The following REC114 variants were observed in gnomAD, a reference collection of about 807,000 sequenced individuals.
The protein encoded by REC114 is REC114 meiotic recombination protein, also known as meiotic recombination protein REC114.
REC114 carries 27 observed loss-of-function variants against 31.3 expected under a neutral mutation model. The ratio of observed to expected loss-of-function variants is 0.86; its 90% CI spans 0.64 to 1.19. The LOEUF is 1.19. REC114 is among the 50% of genes most tolerant of loss of function. The pLI, the probability that REC114 is intolerant of heterozygous loss-of-function variation, is 0.00. For missense variants in REC114, 344 were observed against 326.9 expected (o/e 1.05, Z -0.40); for synonymous variants, 134 against 127.7 (o/e 1.05, Z -0.33).
chr15:73,556,187 C>T, intron 4 of REC114, 115 bp from the exon 5 acceptor site: 2 of 853,480 alleles, frequency 2.3e-6, no homozygotes, highest in East Asian at 2.7e-5. Context: ...ATTTTTATCA[C>T]TCTTAGTGGT....
At position 73,443,311 on chromosome 15, in the gene REC114, G is replaced by A. The variant is rs1452276400; in HGVS notation, c.126G>A (p.Leu42=). ...CCAGAGACCCACCTGGGCCATGCCT[G>A]GAAGCTGGGACAGCCCCCTGCCCCA... ...SNTRDPPGPC[L]EAGTAPCPTW... The change falls in exon 1 of 6, where the codon CTG becomes CTA. Residue 42 remains leucine (L), a synonymous_variant. Transcript: ENST00000331090. The A allele has an allele frequency of 3.8e-6, 6 of 1,582,492 alleles. No homozygotes were observed. The highest frequency in any genetic ancestry group is 2.7e-5 in the African/African-American group (2 of 74,278).
chr15:73,457,504 T>A (rs1395711503), intron 1 of REC114, among the ~76,000 whole-genome samples: 1 of 152,166 alleles, frequency 6.6e-6, no homozygotes, highest in Non-Finnish European at 1.5e-5. Context: ...TCAACTCAAT[T>A]ATCACCAGGC....
chr15:73,500,381 A>G (rs1332810376), intron 2 of REC114, among the ~76,000 whole-genome samples: 1 of 151,428 alleles, frequency 6.6e-6, no homozygotes, highest in Admixed American at 6.6e-5. Context: ...TGTTTCCCCA[A>G]AGAAACCAGA....
At chr15:73,498,976 CT>C (rs1893566582) in intron 2 of REC114, among the ~76,000 whole-genome samples, 1 of 152,026 alleles carries the variant, frequency 6.6e-6, no homozygotes, top group Non-Finnish European at 1.5e-5. Flanking sequence ...TTTAGCTTAG[CT>C]TTTGGTCATA....
chr15:73,444,862 C>T (rs555652294), intron 1 of REC114, among the ~76,000 whole-genome samples: 1 of 152,324 alleles, frequency 6.6e-6, no homozygotes, highest in African/African-American at 2.4e-5. Context: ...ACTCCTTGAT[C>T]ATGGGCTGCA....
At chr15:73,468,385 C>T (rs910673483) in intron 1 of REC114, among the ~76,000 whole-genome samples, 3 of 152,034 alleles carry the variant, frequency 2.0e-5, no homozygotes, top group African/African-American at 7.2e-5. Context: ...TCTAGTTCTT[C>T]ATTAGTGTAT....
intron 3 of REC114, among the ~76,000 whole-genome samples, chr15:73,543,415 C>G (rs1352798305): frequency 6.6e-6 from 1 of 152,094 alleles, no homozygotes; most frequent in Non-Finnish European, 1.5e-5. Context: ...TCACTGCAAC[C>G]TCCTCCCGTG....
chr15:73,473,950 G>A, intron 2 of REC114, 29 bp downstream of exon 2: 1 of 1,340,770 alleles, frequency 7.5e-7, no homozygotes, highest in Non-Finnish European at 1.0e-6. Flanking sequence ...AGTTTAATAT[G>A]GAAATACATC....
intron 2 of REC114, among the ~76,000 whole-genome samples, chr15:73,516,132 C>T (rs900403104): frequency 1.3e-5 from 2 of 151,910 alleles, no homozygotes; most frequent in Non-Finnish European, 2.9e-5. Context: ...ATTACAAGCA[C>T]CTGCCACCAG....
At chr15:73,536,476 C>T (rs116816096) in intron 2 of REC114, among the ~76,000 whole-genome samples, 1,576 of 152,180 alleles carry the variant, frequency 0.01, 26 homozygotes, top group African/African-American at 0.036. Flanking sequence ...TGATGTTAAC[C>T]GCATGTTTAA....
intron 2 of REC114, among the ~76,000 whole-genome samples, chr15:73,503,705 A>G (rs1893634055): frequency 6.6e-6 from 1 of 152,102 alleles, no homozygotes; most frequent in African/African-American, 2.4e-5. Context: ...GAGTTTTAGC[A>G]TCTTTTCTTA....
intron 2 of REC114, among the ~76,000 whole-genome samples, chr15:73,476,740 T>G (rs1396945330): frequency 1.3e-5 from 2 of 152,212 alleles, no homozygotes; most frequent in Non-Finnish European, 2.9e-5. Context: ...ATGAAGAATA[T>G]TCCATTGCAT....
chr15:73,474,929 C>A (rs1211874266), intron 2 of REC114, among the ~76,000 whole-genome samples: 8 of 152,128 alleles, frequency 5.3e-5, no homozygotes, highest in Admixed American at 5.2e-4. Flanking sequence ...TCTTTGTATT[C>A]CTCGTGACTT....
At chr15:73,455,646 A>G (rs1219968581) in intron 1 of REC114, among the ~76,000 whole-genome samples, 1 of 152,184 alleles carries the variant, frequency 6.6e-6, no homozygotes, top group East Asian at 1.9e-4. Context: ...ATGCTTCATT[A>G]TGTATACTGA....
chr15:73,498,344 A>T (rs1007033071), intron 2 of REC114, among the ~76,000 whole-genome samples: 4 of 151,842 alleles, frequency 2.6e-5, no homozygotes, highest in Admixed American at 6.6e-5. Context: ...TTGAATGCTA[A>T]GTTTGTGATT....
rs530704232 is a variant in REC114, at chr15:73,481,650, C to CTTTT, written c.249+7752_249+7755dup. ...ACATAAAATTTACCATCTTAACTCC[C>CTTTT]TTTTTTTTTTTTTTTTTTTTTTTTT... On this transcript the variant is annotated intron_variant, in intron 2 of 5. Coordinates refer to ENST00000331090, the MANE Select transcript of REC114 (RefSeq NM_001042367.2). 7.0e-5 allele frequency among the ~76,000 whole-genome samples: 8 copies of CTTTT among 114,062 alleles called. 1 individual carries two copies. The highest frequency in any genetic ancestry group is 1.1e-4 in the African/African-American group (3 of 27,364). The allele number at this position is 114,062 out of a possible 152,430, so 74.8% of individuals were successfully genotyped here. A position where few individuals can be genotyped will look rare whatever the true frequency, so the allele number is the denominator to read the frequency against.
intron 1 of REC114, among the ~76,000 whole-genome samples, chr15:73,472,521 C>A (rs1354599527): frequency 1.3e-5 from 2 of 152,132 alleles, no homozygotes; most frequent in African/African-American, 4.8e-5. Context: ...AATGCAGTAA[C>A]CTCATAAAAA....
intron 2 of REC114, among the ~76,000 whole-genome samples, chr15:73,516,697 G>A (rs989249679): frequency 1.3e-5 from 2 of 151,996 alleles, no homozygotes; most frequent in African/African-American, 2.4e-5. Flanking sequence ...AAGCAGTCTC[G>A]GCTCCCTGCA....
chr15:73,540,742 A>G (rs1385073753), intron 3 of REC114, among the ~76,000 whole-genome samples, 174 bp downstream of exon 3: 1 of 152,190 alleles, frequency 6.6e-6, no homozygotes, highest in East Asian at 1.9e-4. Context: ...CAGAAGCCTC[A>G]TTAGCAGGAG....
Sources: allele counts gnomAD v4.1 joint callset (sites outside exome capture counted in the v4.1 genomes callset), GRCh38; gene constraint gnomAD v4.1.1; transcripts MANE v1.5; gene names NCBI Gene and HGNC (gene_info 2026-07-23, HGNC 2026-07-21).